The following ACER3 variants were observed in gnomAD, a reference collection of about 807,000 sequenced individuals.
The protein encoded by ACER3 is alkaline ceramidase 3.
A neutral mutation model predicts 48.9 loss-of-function variants in ACER3; 16 were observed. The ratio of observed to expected loss-of-function variants is 0.33; its 90% CI spans 0.22 to 0.50. The LOEUF (loss-of-function observed/expected upper bound fraction) is 0.50, where lower values mean the gene tolerates loss of function less well. Ranked by LOEUF, ACER3 falls within the 20% of genes least tolerant of loss-of-function variation. The pLI is 0.98. For missense variants in ACER3, 227 were observed against 326.0 expected (o/e 0.70, Z 2.34); for synonymous variants, 109 against 107.8 (o/e 1.01, Z -0.07).
rs185801610 is a variant in ACER3 at position 76,967,125 on chromosome 11, T to G, written c.267+8094T>G. Among the ~76,000 whole-genome samples, 102 of 152,158 alleles carry G rather than the reference T, an allele frequency of 6.7e-4. 1 individual carries two copies. In the East Asian group the frequency reaches 0.01, roughly 16 times the overall value. On this transcript the variant is annotated intron_variant, in intron 3 of 10. Coordinates refer to ENST00000532485, the MANE Select transcript of ACER3 (RefSeq NM_018367.7). ...ACACAATCAAAAATGATAAAGGGGATATCACCACCGATCCCACAGAAATAC... is the reference window on the plus strand; with the variant it reads ...ACACAATCAAAAATGATAAAGGGGAGATCACCACCGATCCCACAGAAATAC...
At position 77,025,783 on chromosome 11, in the gene ACER3, G is replaced by A. The variant is rs1176966081; in HGVS notation, c.*5456G>A. 1 of 152,208 alleles carries A rather than the reference G, an allele frequency of 6.6e-6. No homozygotes were observed. Among genetic ancestry groups the A allele is most frequent in the African/African-American group, 2.4e-5 (1 of 41,450 alleles). 9.4% of individuals were successfully genotyped at this position (152,208 alleles called of 1,614,324 possible). ...GTATGTAGCCTGCAAAGCCTAAAAT[G>A]TTTACTCTCTGGCTTGGGAGTTTGT... On this transcript the variant is annotated 3_prime_UTR_variant, in exon 11 of 11. Coordinates refer to ENST00000532485, the MANE Select transcript of ACER3 (RefSeq NM_018367.7).
chr11:76,895,709 T>G (rs1464621340), intron 1 of ACER3, among the ~76,000 whole-genome samples: 1 of 152,174 alleles, frequency 6.6e-6, no homozygotes, highest in Non-Finnish European at 1.5e-5. Context: ...AACAAGTACC[T>G]ATGTGTGAAG....
intron 2 of ACER3, among the ~76,000 whole-genome samples, chr11:76,945,920 T>C (rs991242727): frequency 1.3e-5 from 2 of 152,220 alleles, no homozygotes; most frequent in African/African-American, 4.8e-5. Flanking sequence ...GTCCTAGTTA[T>C]GAGCAGGAGA....
In ACER3 at chr11:77,022,886, A is replaced by AAG. The variant is rs1949494399; in HGVS notation, c.*2560_*2561insGA. ...TCCGTCTCAAAAAAAAAAAAAAAAA[A>AAG]AAAAAAGAAAAGAAAAGAAAATATA... On this transcript the variant is annotated 3_prime_UTR_variant, in exon 11 of 11. Coordinates refer to ENST00000532485, the MANE Select transcript of ACER3 (RefSeq NM_018367.7). The AAG allele has an allele frequency of 1.2e-5, 4 of 327,704 alleles. No individual in the cohort carries two copies. Among genetic ancestry groups the AAG allele is most frequent in the African/African-American group, 6.4e-5 (3 of 46,878 alleles). The allele number at this position is 327,704 out of a possible 1,614,324, so 20.3% of individuals were successfully genotyped here. A position where few individuals can be genotyped will look rare whatever the true frequency, so the allele number is the denominator to read the frequency against.
intron 7 of ACER3, among the ~76,000 whole-genome samples, chr11:77,008,811 T>G (rs1949205551): frequency 6.6e-6 from 1 of 152,066 alleles, no homozygotes; most frequent in South Asian, 2.1e-4. Flanking sequence ...ATTCCAGCAC[T>G]TAGGGAGGCC....
intron 2 of ACER3, among the ~76,000 whole-genome samples, chr11:76,937,452 T>C (rs1947220063): frequency 1.3e-5 from 2 of 152,192 alleles, no homozygotes; most frequent in Non-Finnish European, 2.9e-5. Flanking sequence ...TACAAAATAA[T>C]GTGAACAGAC....
intron 7 of ACER3, among the ~76,000 whole-genome samples, chr11:77,009,790 A>C (rs1218705761): frequency 2.6e-5 from 4 of 152,100 alleles, no homozygotes; most frequent in Admixed American, 2.0e-4. Context: ...CAGCCTGGGC[A>C]ACAGAGTGAG....
intron 8 of ACER3, chr11:77,015,338 G>T: frequency 2.6e-6 from 1 of 390,214 alleles, no homozygotes; most frequent in Non-Finnish European, 4.5e-6. Context: ...GTAGGGTTTG[G>T]GTTTTGTGTG....
At chr11:76,995,597 TTC>T (rs895309405) in intron 6 of ACER3, among the ~76,000 whole-genome samples, 8 of 152,080 alleles carry the variant, frequency 5.3e-5, no homozygotes, top group African/African-American at 1.7e-4. Flanking sequence ...AAAGTATACA[TTC>T]TGTCATCTTT....
Position 76,875,107 on chromosome 11 carries a change from C to CTT in ACER3, c.103+14053_103+14054dup, listed in dbSNP as rs10676364. Among the ~76,000 whole-genome samples, 42 of 78,150 alleles carry CTT rather than the reference C, an allele frequency of 5.4e-4. 8 individuals are homozygous for CTT. Among genetic ancestry groups the CTT allele is most frequent in the African/African-American group, 7.2e-4 (20 of 27,870 alleles). 51.3% of individuals were successfully genotyped at this position (78,150 alleles called of 152,430 possible). On this transcript the variant is annotated intron_variant, in intron 1 of 10. Transcript: ENST00000532485. ...TTCTAACATGGCATGAAAAGCACTTCTTTTTTTTTTTTTTTTTTTTTTTTT... is the reference window on the plus strand; with the variant it reads ...TTCTAACATGGCATGAAAAGCACTTCTTTTTTTTTTTTTTTTTTTTTTTTTTT...
intron 1 of ACER3, among the ~76,000 whole-genome samples, chr11:76,862,297 AAAAG>A (rs1185768983): frequency 2.0e-5 from 3 of 152,204 alleles, no homozygotes; most frequent in Non-Finnish European, 2.9e-5. Flanking sequence ...AAAAAAAAAA[AAAAG>A]AACACTTTTT....
chr11:77,019,458 CA>C (rs1267218896), intron 9 of ACER3: 414 of 301,514 alleles, frequency 1.4e-3, no homozygotes, highest in South Asian at 2.6e-3. Context: ...GACTCCATCT[CA>C]AAAAAAAAGA....
At chr11:76,926,506 T>A (rs1293253596) in intron 1 of ACER3, 51 bp from the exon 2 acceptor site, 2 of 1,089,278 alleles carry the variant, frequency 1.8e-6, no homozygotes, top group East Asian at 5.0e-5. Context: ...GTATCTTTAT[T>A]TAAAGTGTTA....
At chr11:76,983,239 T>G (rs1358691177) in intron 4 of ACER3, among the ~76,000 whole-genome samples, 1 of 134,762 alleles carries the variant, frequency 7.4e-6, no homozygotes, top group Non-Finnish European at 1.7e-5. Context: ...CCAAGTGACT[T>G]TTTGTGATTT....
At chr11:76,971,906 A>G (rs1948316669) in intron 3 of ACER3, among the ~76,000 whole-genome samples, 1 of 151,550 alleles carries the variant, frequency 6.6e-6, no homozygotes, top group Non-Finnish European at 1.5e-5. Flanking sequence ...ATCCAGATGA[A>G]GGGGTGGGGG....
intron 3 of ACER3, among the ~76,000 whole-genome samples, chr11:76,975,108 C>T (rs948204621): frequency 1.3e-5 from 2 of 152,172 alleles, no homozygotes; most frequent in African/African-American, 2.4e-5. Context: ...TGCCTTTCTC[C>T]GCCACCCCAT....
At chr11:77,005,197 C>A (rs1282622909) in intron 7 of ACER3, among the ~76,000 whole-genome samples, 1 of 152,030 alleles carries the variant, frequency 6.6e-6, no homozygotes, top group Non-Finnish European at 1.5e-5. Context: ...CCACCGCACC[C>A]GGCTAATTTT....
At chr11:76,905,771 AATAG>A (rs1229376295) in intron 1 of ACER3, among the ~76,000 whole-genome samples, 1 of 152,250 alleles carries the variant, frequency 6.6e-6, no homozygotes, top group African/African-American at 2.4e-5. Context: ...TATAGTATCT[AATAG>A]ATCTCTCAAG....
intron 1 of ACER3, among the ~76,000 whole-genome samples, chr11:76,877,740 C>T (rs1220619772): frequency 6.6e-6 from 1 of 152,094 alleles, no homozygotes; most frequent in Non-Finnish European, 1.5e-5. Flanking sequence ...AAACATTTAG[C>T]ACCCTCTGTG....
Sources: gnomAD v4.1 joint callset for allele counts (sites outside exome capture counted in the v4.1 genomes callset) on GRCh38, gnomAD v4.1.1 for gene constraint, MANE v1.5 for transcripts, NCBI Gene and HGNC (gene_info 2026-07-23, HGNC 2026-07-21) for gene names.